PTPRG: variants seen among roughly 807,000 people sequenced by gnomAD.
PTPRG encodes receptor-type tyrosine-protein phosphatase gamma.
PTPRG carries 102 observed loss-of-function variants against 165.3 expected under a neutral mutation model. The observed-to-expected ratio is 0.62, with a 90% confidence interval of 0.53 to 0.73. PTPRG has a LOEUF of 0.73. PTPRG is among the 30% of genes least tolerant of loss of function. The pLI is 0.00. For missense variants in PTPRG, 1,866 were observed against 1,861.4 expected, an observed-to-expected ratio of 1.00 and a Z score of -0.05; for synonymous variants, 675 against 669.5, an observed-to-expected ratio of 1.01 and a Z score of -0.13.
chr3:62,065,757 G>C (rs1006186227), intron 4 of PTPRG, among the ~76,000 whole-genome samples: 1 of 152,112 alleles, frequency 6.6e-6, no homozygotes, highest in Non-Finnish European at 1.5e-5. Flanking sequence ...AGAACCTTTT[G>C]TAAGGGGATC....
At chr3:61,568,686 G>A (rs187776000) in intron 1 of PTPRG, among the ~76,000 whole-genome samples, 290 of 152,170 alleles carry the variant, frequency 1.9e-3, no homozygotes, top group Non-Finnish European at 2.2e-3. Flanking sequence ...CAGGCGGACG[G>A]AACATGAGGT....
chr3:61,902,590 G>T (rs2038527869), intron 2 of PTPRG, among the ~76,000 whole-genome samples: 1 of 152,130 alleles, frequency 6.6e-6, no homozygotes, highest in African/African-American at 2.4e-5. Context: ...AGAGATAAAA[G>T]ATGTAAGTTG....
chr3:62,209,141 T>G (rs1046891005), intron 12 of PTPRG, among the ~76,000 whole-genome samples: 4 of 152,244 alleles, frequency 2.6e-5, no homozygotes, highest in Non-Finnish European at 5.9e-5. Context: ...TTTCCATTGG[T>G]GACAGTGGTT....
At chr3:61,772,516 TCCTTTCCCCCAAG>T (rs2034240480) in intron 2 of PTPRG, among the ~76,000 whole-genome samples, 1 of 152,182 alleles carries the variant, frequency 6.6e-6, no homozygotes, top group African/African-American at 2.4e-5. Context: ...AACCTGCTAT[TCCTTTCCCCCAAG>T]CCTACTTTCC....
At chr3:62,008,702 A>G (rs968284273) in intron 4 of PTPRG, among the ~76,000 whole-genome samples, 2 of 152,228 alleles carry the variant, frequency 1.3e-5, no homozygotes, top group East Asian at 1.9e-4. Context: ...TCGGGGGTTC[A>G]GAATGAAACT....
intron 28 of PTPRG, among the ~76,000 whole-genome samples, chr3:62,287,679 A>G (rs112276683): frequency 0.023 from 3,476 of 152,234 alleles, 61 homozygotes; most frequent in Non-Finnish European, 0.034. Flanking sequence ...AAAACAGAAT[A>G]AAGTATTCAG....
chr3:62,274,739 A>G (rs969083935), intron 23 of PTPRG, among the ~76,000 whole-genome samples: 3 of 152,182 alleles, frequency 2.0e-5, no homozygotes, highest in African/African-American at 7.2e-5. Context: ...AATTTCACTG[A>G]GTTCAGTCAT....
rs1331765348 is a variant in PTPRG at position 61,561,941 on chromosome 3, C to T, written c.-347C>T. ...GTTGGGGATCCTCGGCTGCTCGCCG[C>T]CGCCGCCCGCGGTCCCTGCCTGCCC... is the stretch of plus-strand genomic sequence containing the variant. On this transcript the variant is annotated 5_prime_UTR_variant, in exon 1 of 30. Coordinates refer to ENST00000474889, the MANE Select transcript of PTPRG (RefSeq NM_002841.4). The T allele has an allele frequency of 5.8e-6, 1 of 173,172 alleles. No homozygotes were observed. Among genetic ancestry groups the T allele is most frequent in the Non-Finnish European group, 1.2e-5 (1 of 82,266 alleles). 10.7% of individuals were successfully genotyped at this position (173,172 alleles called of 1,614,324 possible). A position where few individuals can be genotyped will look rare whatever the true frequency, so the allele number is the denominator to read the frequency against.
chr3:61,935,778 C>T (rs1559698815), intron 2 of PTPRG, among the ~76,000 whole-genome samples: 1 of 147,182 alleles, frequency 6.8e-6, no homozygotes, highest in Admixed American at 6.9e-5. Context: ...GTATGTATAT[C>T]TTAGAATTAT....
intron 4 of PTPRG, among the ~76,000 whole-genome samples, chr3:62,050,321 A>T (rs76506764): frequency 0.1 from 15,445 of 152,258 alleles, 996 homozygotes; most frequent in Admixed American, 0.2. Flanking sequence ...CCATCATGTT[A>T]CAGTTGCCTA....
intron 5 of PTPRG, among the ~76,000 whole-genome samples, chr3:62,091,707 G>A (rs1041859400): frequency 6.6e-6 from 1 of 152,142 alleles, no homozygotes; most frequent in African/African-American, 2.4e-5. Flanking sequence ...AGTGGGATGT[G>A]ATCGTTGGAG....
chr3:62,129,684 C>G (rs894829305), intron 5 of PTPRG, among the ~76,000 whole-genome samples: 1 of 152,186 alleles, frequency 6.6e-6, no homozygotes, highest in Non-Finnish European at 1.5e-5. Context: ...GGTCCTACTT[C>G]TCAACACTGT....
chr3:61,948,284 C>T (rs1457885048), intron 2 of PTPRG, among the ~76,000 whole-genome samples: 4 of 152,048 alleles, frequency 2.6e-5, no homozygotes, highest in East Asian at 1.9e-4. Flanking sequence ...GAGATCGCTC[C>T]ATTGCATTCC....
intron 1 of PTPRG, among the ~76,000 whole-genome samples, chr3:61,600,200 G>A (rs1700823673): frequency 1.3e-5 from 2 of 149,390 alleles, no homozygotes; most frequent in Non-Finnish European, 3.0e-5. Context: ...ATATGTGTGT[G>A]TGTGTGTGTG....
intron 1 of PTPRG, among the ~76,000 whole-genome samples, chr3:61,634,351 G>T (rs2106936667): frequency 6.6e-6 from 1 of 152,000 alleles, no homozygotes; most frequent in African/African-American, 2.4e-5. Context: ...GATTCTTCTT[G>T]CCTCAGCCTC....
chr3:61,662,575 A>G (rs1373328209), intron 1 of PTPRG, among the ~76,000 whole-genome samples: 2 of 152,198 alleles, frequency 1.3e-5, no homozygotes, highest in Non-Finnish European at 2.9e-5. Context: ...AGAAGCCATT[A>G]CGTTGTGGGA....
chr3:62,251,798 C>A (rs1701424667), intron 15 of PTPRG, among the ~76,000 whole-genome samples: 1 of 152,184 alleles, frequency 6.6e-6, no homozygotes, highest in Non-Finnish European at 1.5e-5. Flanking sequence ...TCTTTGGGTT[C>A]AATGGACCTG....
At chr3:61,828,576 C>G (rs936969488) in intron 2 of PTPRG, among the ~76,000 whole-genome samples, 2 of 152,220 alleles carry the variant, frequency 1.3e-5, no homozygotes, top group Admixed American at 1.3e-4. Context: ...CAACATGTGT[C>G]TCATCTGGCC....
chr3:62,211,567 T>C (rs1414590047), intron 12 of PTPRG, among the ~76,000 whole-genome samples: 1 of 152,218 alleles, frequency 6.6e-6, no homozygotes, highest in Non-Finnish European at 1.5e-5. Flanking sequence ...GGGAGGTTTT[T>C]AATGAGTGGT....
Sources: allele counts gnomAD v4.1 joint callset (sites outside exome capture counted in the v4.1 genomes callset), GRCh38; gene constraint gnomAD v4.1.1; transcripts MANE v1.5; gene names NCBI Gene and HGNC (gene_info 2026-07-23, HGNC 2026-07-21).